The following RAP1GAP2 variants were observed in gnomAD, a reference collection of about 807,000 sequenced individuals.
RAP1GAP2 encodes RAP1 GTPase activating protein 2.
In RAP1GAP2, 27 loss-of-function variants were observed where a neutral mutation model predicts 95.0. That is an observed-to-expected ratio of 0.28 (90% CI 0.21 to 0.39). The LOEUF is 0.39. Among genes scored for constraint, RAP1GAP2 ranks in the 10% least tolerant of loss-of-function variants. RAP1GAP2 has a pLI of 1.00. For synonymous variants in RAP1GAP2, 373 were observed against 380.9 expected, an observed-to-expected ratio of 0.98 and a Z score of 0.24; for missense variants, 771 against 970.0, an observed-to-expected ratio of 0.79 and a Z score of 2.72.
At chr17:2,840,321 A>T (rs1400227124) in intron 2 of RAP1GAP2, among the ~76,000 whole-genome samples, 1 of 149,650 alleles carries the variant, frequency 6.7e-6, no homozygotes, top group Non-Finnish European at 1.5e-5. Context: ...CCACCACAAC[A>T]CCCAGCTAAT....
At chr17:3,016,384 A>T (rs1421016190) in intron 17 of RAP1GAP2, among the ~76,000 whole-genome samples, 2 of 152,272 alleles carry the variant, frequency 1.3e-5, no homozygotes, top group African/African-American at 4.8e-5. Context: ...GTTTGGCTAG[A>T]ACCTGGCTCT....
intron 3 of RAP1GAP2, among the ~76,000 whole-genome samples, chr17:2,956,866 C>T (rs35360752): frequency 0.1 from 15,635 of 152,218 alleles, 962 homozygotes; most frequent in Non-Finnish European, 0.13. Flanking sequence ...TGGTAGCTCA[C>T]GCCTGTAATC....
At chr17:2,967,725 G>A (rs1006902485) in intron 8 of RAP1GAP2, among the ~76,000 whole-genome samples, 4 of 152,154 alleles carry the variant, frequency 2.6e-5, no homozygotes, top group Non-Finnish European at 4.4e-5. Context: ...TTGGCTCCAC[G>A]GTTTAGCAGC....
intron 1 of RAP1GAP2, among the ~76,000 whole-genome samples, chr17:2,786,755 C>T (rs2068788265): frequency 6.6e-6 from 1 of 151,814 alleles, no homozygotes; most frequent in Non-Finnish European, 1.5e-5. Context: ...AAGCGACTCT[C>T]CTGCCCCAGT....
rs35791780 is a variant in RAP1GAP2, at chr17:2,789,781, GAAA to G, written c.-13-10715_-13-10713del. On this transcript the variant is annotated intron_variant, in intron 1 of 24. Coordinates refer to the RAP1GAP2 transcript ENST00000540393. Reference sequence around the variant, plus strand: ...TGGGCGACAGAGTGAGACTCCATCTGAAAAAAAAAAAAAAAAAAAAAGTAAATA... The same window carrying G: ...TGGGCGACAGAGTGAGACTCCATCTGAAAAAAAAAAAAAAAAAAGTAAATA... Among the ~76,000 whole-genome samples, 3 of 71,990 alleles carry G rather than the reference GAAA, an allele frequency of 4.2e-5. No individual in the cohort carries two copies. The South Asian group carries it at 1.6e-3, about 39-fold the overall frequency. The allele number at this position is 71,990 out of a possible 152,430, so 47.2% of individuals were successfully genotyped here.
At chr17:2,832,983 C>T (rs1417919284) in intron 2 of RAP1GAP2, among the ~76,000 whole-genome samples, 3 of 151,604 alleles carry the variant, frequency 2.0e-5, no homozygotes, top group African/African-American at 4.8e-5. Flanking sequence ...CTCAAAAAAA[C>T]GAAAACAAAA....
chr17:2,947,174 C>T (rs2043727845), intron 3 of RAP1GAP2, among the ~76,000 whole-genome samples: 1 of 151,956 alleles, frequency 6.6e-6, no homozygotes, highest in Middle Eastern at 3.2e-3. Context: ...CTCTGAAACG[C>T]TCCAGCAGCA....
intron 1 of RAP1GAP2, among the ~76,000 whole-genome samples, chr17:2,787,267 T>C (rs2068807893): frequency 1.3e-5 from 2 of 151,354 alleles, no homozygotes; most frequent in African/African-American, 4.9e-5. Flanking sequence ...TTTTTTTTTT[T>C]TTCTTTTTTT....
upstream of RAP1GAP2, among the ~76,000 whole-genome samples, chr17:2,792,542 C>T (rs1462107319): frequency 2.0e-5 from 3 of 152,192 alleles, no homozygotes; most frequent in Admixed American, 1.3e-4. Flanking sequence ...GGCCATGAGC[C>T]GTCTGGGAGA....
intron 1 of RAP1GAP2, among the ~76,000 whole-genome samples, chr17:2,758,184 T>C (rs1162435449): frequency 1.6e-5 from 2 of 127,556 alleles, no homozygotes; most frequent in African/African-American, 6.4e-5. Context: ...CCCCCCCCTT[T>C]TTTTTTTTTA....
chr17:2,970,968 G>A (rs147606122), intron 8 of RAP1GAP2, among the ~76,000 whole-genome samples: 36 of 152,284 alleles, frequency 2.4e-4, no homozygotes, highest in Admixed American at 4.6e-4. Context: ...CTGGGAGGTC[G>A]AGGCTACAAT....
chr17:3,014,545 A>ATTTT (rs10542901), intron 17 of RAP1GAP2, among the ~76,000 whole-genome samples: 3 of 105,094 alleles, frequency 2.9e-5, no homozygotes, highest in East Asian at 5.5e-4. Flanking sequence ...AAAGATGCTG[A>ATTTT]TTTTTTTTTT....
chr17:2,833,276 G>A (rs1442925180), intron 2 of RAP1GAP2, among the ~76,000 whole-genome samples: 1 of 151,018 alleles, frequency 6.6e-6, no homozygotes, highest in African/African-American at 2.4e-5. Context: ...CCGGGTAGCT[G>A]GGATTACAGG....
At chr17:2,824,774 A>G (rs1347082702) in intron 2 of RAP1GAP2, among the ~76,000 whole-genome samples, 1 of 150,560 alleles carries the variant, frequency 6.6e-6, no homozygotes, top group African/African-American at 2.4e-5. Context: ...GAAATAGCAT[A>G]TGGGTCACAA....
chr17:3,032,466 T>G lies in RAP1GAP2; in HGVS notation c.*30+17T>G. The G allele has an allele frequency of 1.2e-6, 2 of 1,611,570 alleles. No individual in the cohort carries two copies. Among genetic ancestry groups the G allele is most frequent in the Non-Finnish European group, 1.7e-6 (2 of 1,177,758 alleles). On this transcript the variant is annotated intron_variant, in intron 24 of 24. Coordinates refer to ENST00000254695, the MANE Select transcript of RAP1GAP2 (RefSeq NM_015085.5). ...CTGTCCAAGGTGGGTTGAGTGAATG[T>G]CCTGCTGTGGCCGTGAGGGGGGACG...
intron 2 of RAP1GAP2, among the ~76,000 whole-genome samples, chr17:2,815,827 G>A (rs977254468): frequency 4.6e-5 from 7 of 152,224 alleles, no homozygotes; most frequent in African/African-American, 9.6e-5. Context: ...GGTCACACAC[G>A]TGTAACTGTG....
intron 19 of RAP1GAP2, among the ~76,000 whole-genome samples, chr17:3,025,062 T>A (rs1026782090): frequency 3.3e-5 from 5 of 151,580 alleles, no homozygotes; most frequent in East Asian, 1.9e-4. Context: ...AGATTCTGTC[T>A]CAAGAACACT....
At chr17:2,987,440 T>C (rs1420726504) in intron 11 of RAP1GAP2, among the ~76,000 whole-genome samples, 1 of 151,436 alleles carries the variant, frequency 6.6e-6, no homozygotes. Flanking sequence ...CTCGGCTCAT[T>C]GCAACCTCCG....
chr17:3,020,579 G>A lies in RAP1GAP2; in HGVS notation c.1735G>A (p.Asp579Asn), dbSNP rs746279901. 7 of 1,613,584 alleles carry A rather than the reference G, an allele frequency of 4.3e-6. No homozygotes were observed. Among genetic ancestry groups the A allele is most frequent in the African/African-American group, 4.0e-5 (3 of 74,942 alleles). Reference sequence around the variant, plus strand: ...GCACACGGGCTCAGAAGGCCAGGGCGACAGCCGGGCACGATGGTAACTGTT... The same window carrying A: ...GCACACGGGCTCAGAAGGCCAGGGCAACAGCCGGGCACGATGGTAACTGTT... ...RLHTGSEGQG[D>N]SRARCDSTSS... Residue 579 changes from aspartate (D) to asparagine (N), a missense_variant, in exon 19 of 25, where the codon GAC becomes AAC. By Grantham distance (23) the Asp-to-Asn change is conservative. Coordinates refer to ENST00000254695, the MANE Select transcript of RAP1GAP2 (RefSeq NM_015085.5).
Sources: allele counts gnomAD v4.1 joint callset (sites outside exome capture counted in the v4.1 genomes callset), GRCh38; gene constraint gnomAD v4.1.1; transcripts MANE v1.5; gene names NCBI Gene and HGNC (gene_info 2026-07-23, HGNC 2026-07-21).